SSX2IP: variants seen among roughly 807,000 people sequenced by gnomAD.
SSX2IP encodes the protein SSX family member 2 interacting protein, also known as afadin- and alpha-actinin-binding protein.
A neutral mutation model predicts 84.9 loss-of-function variants in SSX2IP; 55 were observed. The ratio of observed to expected loss-of-function variants is 0.65; its 90% CI spans 0.52 to 0.81. The LOEUF is 0.81. Ranked by LOEUF, SSX2IP falls within the 30% of genes least tolerant of loss-of-function variation. SSX2IP has a pLI of 0.00. For missense variants in SSX2IP, 664 were observed against 705.2 expected (o/e 0.94, Z 0.66); for synonymous variants, 239 against 234.7 (o/e 1.02, Z -0.17).
At chr1:84,657,850 C>T (rs542396018) in intron 9 of SSX2IP, among the ~76,000 whole-genome samples, 36 of 152,206 alleles carry the variant, frequency 2.4e-4, no homozygotes, top group African/African-American at 8.2e-4. Flanking sequence ...TGTAAAATGT[C>T]GGCTGTGCAC....
At chr1:84,677,715 C>G (rs181945532) in intron 1 of SSX2IP, among the ~76,000 whole-genome samples, 3 of 152,112 alleles carry the variant, frequency 2.0e-5, no homozygotes, top group Non-Finnish European at 4.4e-5. Context: ...CAAGCCATCA[C>G]GTTGTAAGCA....
intron 1 of SSX2IP, among the ~76,000 whole-genome samples, chr1:84,685,132 A>T (rs1268212318): frequency 3.3e-5 from 5 of 152,220 alleles, no homozygotes; most frequent in Admixed American, 2.6e-4. Context: ...CATATATATA[A>T]AATGTTCCTC....
At chr1:84,654,631 C>CAG (rs917316934) in intron 11 of SSX2IP, among the ~76,000 whole-genome samples, 1 of 152,016 alleles carries the variant, frequency 6.6e-6, no homozygotes, top group African/African-American at 2.4e-5. Flanking sequence ...AAGGAAGCTA[C>CAG]AGAGAAAAAG....
intron 1 of SSX2IP, among the ~76,000 whole-genome samples, chr1:84,673,169 G>A (rs1035112182): frequency 1.3e-5 from 2 of 152,130 alleles, no homozygotes; most frequent in African/African-American, 4.8e-5. Flanking sequence ...CTAAACAAAT[G>A]AGCAACAACT....
chr1:84,657,841 G>A (rs1044744890), intron 9 of SSX2IP, among the ~76,000 whole-genome samples: 1 of 152,286 alleles, frequency 6.6e-6, no homozygotes, highest in Admixed American at 6.5e-5. Context: ...CTAAATGTAT[G>A]TAAAATGTCG....
At chr1:84,656,532 G>T (rs1346662785) in intron 9 of SSX2IP, 48 bp from the exon 10 acceptor site, 1 of 1,554,988 alleles carries the variant, frequency 6.4e-7, no homozygotes, top group Admixed American at 1.9e-5. Flanking sequence ...CCACCACTTA[G>T]TTTACAGTGT....
At chr1:84,679,416 GA>G (rs1371192234) in intron 1 of SSX2IP, among the ~76,000 whole-genome samples, 2 of 152,064 alleles carry the variant, frequency 1.3e-5, no homozygotes, top group African/African-American at 4.8e-5. Flanking sequence ...ATTTTCCACA[GA>G]AATAAACTCT....
chr1:84,652,776 A>G (rs1177690111), intron 11 of SSX2IP, among the ~76,000 whole-genome samples: 1 of 152,148 alleles, frequency 6.6e-6, no homozygotes, highest in Non-Finnish European at 1.5e-5. Flanking sequence ...CTGTAATCCC[A>G]GCACTTCGGG....
At chr1:84,674,966 T>C (rs1347669769) in intron 1 of SSX2IP, among the ~76,000 whole-genome samples, 1 of 152,212 alleles carries the variant, frequency 6.6e-6, no homozygotes, top group Non-Finnish European at 1.5e-5. Flanking sequence ...AATTTAAGCA[T>C]ATTATTGTAT....
chr1:84,654,310 C>T (rs538363417), intron 11 of SSX2IP, among the ~76,000 whole-genome samples: 9 of 151,910 alleles, frequency 5.9e-5, no homozygotes, highest in Non-Finnish European at 8.8e-5. Context: ...CAAAGTAACA[C>T]AGGTATATTA....
intron 13 of SSX2IP, 40 bp from the exon 14 acceptor site, chr1:84,647,647 T>G (rs781318833): frequency 7.0e-7 from 1 of 1,436,096 alleles, no homozygotes; most frequent in Non-Finnish European, 9.3e-7. Flanking sequence ...GACTATCCTC[T>G]CCTTCTTTTG....
chr1:84,671,713 T>C (rs1046085455), intron 1 of SSX2IP, among the ~76,000 whole-genome samples: 1 of 152,212 alleles, frequency 6.6e-6, no homozygotes, highest in African/African-American at 2.4e-5. Context: ...ACCAACTATA[T>C]TGGCAAAACT....
chr1:84,668,152 C>T (rs900015168), intron 4 of SSX2IP, among the ~76,000 whole-genome samples: 3 of 152,146 alleles, frequency 2.0e-5, no homozygotes, highest in African/African-American at 7.2e-5. Context: ...CCTGAAGAAA[C>T]AGTCTCTGCT....
Position 84,646,425 on chromosome 1 carries a change from T to C in SSX2IP, c.*1008A>G, listed in dbSNP as rs1259406388. On this transcript the variant is annotated 3_prime_UTR_variant, in exon 14 of 14. Coordinates refer to ENST00000342203, the MANE Select transcript of SSX2IP (RefSeq NM_001166293.2). The stretch of plus-strand genomic sequence containing the variant: ...TTATATTATCATATTTCTTCAGTGG[T>C]AAATACCTCATTAAAAAATTATTAA... The C allele has an allele frequency of 6.6e-6, 1 of 152,554 alleles. No homozygotes were observed. The highest frequency in any genetic ancestry group is 1.5e-5 in the Non-Finnish European group (1 of 68,028). 9.5% of individuals were successfully genotyped at this position (152,554 alleles called of 1,614,324 possible). A position where few individuals can be genotyped will look rare whatever the true frequency, so the allele number is the denominator to read the frequency against.
chr1:84,655,670 C>G, intron 11 of SSX2IP, 162 bp downstream of exon 11: 2 of 1,475,934 alleles, frequency 1.4e-6, no homozygotes, highest in Non-Finnish European at 1.8e-6. Context: ...TGATCCCATT[C>G]TATATGCTCA....
At chr1:84,682,358 A>G (rs1655195257) in intron 1 of SSX2IP, among the ~76,000 whole-genome samples, 2 of 152,302 alleles carry the variant, frequency 1.3e-5, no homozygotes, top group East Asian at 3.9e-4. Context: ...TGAACCGGTC[A>G]TAATTTCTTT....
At chr1:84,658,759 C>T (rs1025239434) in intron 8 of SSX2IP, among the ~76,000 whole-genome samples, 2 of 152,162 alleles carry the variant, frequency 1.3e-5, no homozygotes, top group Non-Finnish European at 2.9e-5. Flanking sequence ...GATGTTTTCA[C>T]GTTATTTAAC....
At chr1:84,662,553 T>C (rs2102334189) in intron 6 of SSX2IP, 23 bp from the exon 7 acceptor site, 3 of 1,611,404 alleles carry the variant, frequency 1.9e-6, no homozygotes, top group East Asian at 2.2e-5. Context: ...ACACATAAAA[T>C]TAATTCTTAC....
Position 84,662,290 on chromosome 1 carries a change from T to C in SSX2IP, c.835A>G (p.Lys279Glu), listed in dbSNP as rs780998210. ...TCCTTTTTCATTTGTTGAAGAACCT[T>C]CTTAAGTTCTGCATTTTCCATTAGG... is the stretch of plus-strand genomic sequence containing the variant. Reference protein sequence around the residue: ...QILMENAELKKVLQQMKKEMI... With the variant: ...QILMENAELKEVLQQMKKEMI... Residue 279 changes from lysine to glutamate, a missense_variant, in exon 8 of 14, where the codon AAG becomes GAG. Physicochemically the swap from Lys to Glu is moderately conservative, Grantham distance 56. Transcript: ENST00000342203. 6.2e-7 allele frequency: 1 copy of C among 1,607,648 alleles called. No homozygotes were observed. The highest frequency in any genetic ancestry group is 8.5e-7 in the Non-Finnish European group (1 of 1,175,652).
Sources: gnomAD v4.1 joint callset for allele counts (sites outside exome capture counted in the v4.1 genomes callset) on GRCh38, gnomAD v4.1.1 for gene constraint, MANE v1.5 for transcripts, NCBI Gene and HGNC (gene_info 2026-07-23, HGNC 2026-07-21) for gene names.